GYG2: variants seen among roughly 807,000 people sequenced by gnomAD.
The protein encoded by GYG2 is glycogenin 2.
Under a neutral mutation model 29.4 loss-of-function variants are expected in GYG2, and 29 were observed. The ratio of observed to expected loss-of-function variants is 0.99; its 90% CI spans 0.74 to 1.35. The LOEUF (loss-of-function observed/expected upper bound fraction) is 1.35, where lower values mean the gene tolerates loss of function less well. GYG2 is among the 40% of genes most tolerant of loss of function. The pLI is 0.00. For missense variants in GYG2, 370 were observed against 385.7 expected (o/e 0.96, Z 0.34); for synonymous variants, 167 against 172.3 (o/e 0.97, Z 0.24).
chrX:2,873,119 A>G (rs2088512237), intron 8 of GYG2, among the ~76,000 whole-genome samples: 1 of 111,619 alleles, frequency 9.0e-6, no homozygotes, highest in African/African-American at 3.3e-5. Context: ...TGTCTGCCTC[A>G]TAGGGCTGTC....
intron 2 of GYG2, among the ~76,000 whole-genome samples, chrX:2,838,132 G>A (rs140152221): frequency 2.6e-3 from 294 of 111,855 alleles, no homozygotes; most frequent in Middle Eastern, 9.1e-3. Context: ...TAAATGTGCA[G>A]CAGATGTGCT....
Position 2,881,231 on chromosome X carries a change from G to A in GYG2, c.*18G>A, listed in dbSNP as rs1603460585. On this transcript the variant is annotated 3_prime_UTR_variant, in exon 11 of 11. Transcript: ENST00000398806. Reference sequence around the variant, plus strand: ...TGCAGTAATCCGGCAGCTGGTGGGCGTTGTGTGTAGTTAGACAATGTCCTG... The same window carrying A: ...TGCAGTAATCCGGCAGCTGGTGGGCATTGTGTGTAGTTAGACAATGTCCTG... 1.7e-6 allele frequency: 2 copies of A among 1,145,220 alleles called. No homozygotes were observed. Among genetic ancestry groups the A allele is most frequent in the Non-Finnish European group, 2.3e-6 (2 of 856,694 alleles). The allele number at this position is 1,145,220 out of a possible 1,213,427, so 94.4% of individuals were successfully genotyped here.
Position 2,844,632 on chromosome X carries a change from A to G in GYG2, c.149+1278A>G, listed in dbSNP as rs1341072157. The stretch of plus-strand genomic sequence containing the variant: ...TGCGTATATGTGTATACGCACACGC[A>G]TGCGTATATGTGTATACGCACACGC... On this transcript the variant is annotated intron_variant, in intron 3 of 10. Coordinates refer to ENST00000398806, the MANE Select transcript of GYG2 (RefSeq NM_001079855.2). 2.8e-3 allele frequency among the ~76,000 whole-genome samples: 44 copies of G among 15,758 alleles called. 11 individuals carry two copies. The highest frequency in any genetic ancestry group is 0.02 in the Admixed American group (25 of 1,243). 13.7% of individuals were successfully genotyped at this position (15,758 alleles called of 115,157 possible).
chrX:2,835,703 C>G (rs954262954), intron 2 of GYG2, among the ~76,000 whole-genome samples: 6 of 110,128 alleles, frequency 5.4e-5, no homozygotes, highest in Non-Finnish European at 1.1e-4. Context: ...AGGAAGGACC[C>G]TTCTCTAGAG....
chrX:2,838,270 G>C (rs894805005), intron 2 of GYG2, among the ~76,000 whole-genome samples: 5 of 111,341 alleles, frequency 4.5e-5, no homozygotes, highest in Admixed American at 9.5e-5. Flanking sequence ...AGAAGTCTCA[G>C]TCTCATCCTT....
rs146087125 is a variant in GYG2, at chrX:2,843,314, C to G, written c.109C>G (p.Leu37Val). The G allele has an allele frequency of 3.3e-6, 4 of 1,197,876 alleles. No homozygotes were observed. Among genetic ancestry groups the G allele is most frequent in the Non-Finnish European group, 4.5e-6 (4 of 885,861 alleles). Residue 37 changes from leucine to valine, a missense_variant, in exon 3 of 11, where the codon CTG (leucine) becomes GTG (valine). By Grantham distance (32) the Leu-to-Val change is conservative (BLOSUM62 1). Coordinates refer to ENST00000398806, the MANE Select transcript of GYG2 (RefSeq NM_001079855.2). ...GAGGAGACACAGGCTGACGAGGAAG[C>G]TGGTGGTGTTGATCACTCCTCAGGT... Reference protein sequence around the residue: ...SLRRHRLTRKLVVLITPQVSS... With the variant: ...SLRRHRLTRKVVVLITPQVSS...
chrX:2,870,526 T>C (rs772717874), intron 8 of GYG2, among the ~76,000 whole-genome samples: 117 of 111,715 alleles, frequency 1.0e-3, no homozygotes, highest in Non-Finnish European at 1.8e-3. Context: ...GTAGAACCGT[T>C]GACTGTGTCC....
At chrX:2,877,879 A>G (rs1316780001) in intron 10 of GYG2, 1 of 751,302 alleles carries the variant, frequency 1.3e-6, no homozygotes, top group Non-Finnish European at 1.6e-6. Flanking sequence ...GTAACAATCA[A>G]TACAGCTCTA....
At chrX:2,844,558 GTATATGTGTATACGCACACGCATGCGTA>G in intron 3 of GYG2, among the ~76,000 whole-genome samples, 1 of 78,235 alleles carries the variant, frequency 1.3e-5, no homozygotes, top group Admixed American at 1.5e-4. Context: ...ACACGCATGC[GTATATGTGTATACGCACACGCATGCGTA>G]TATGTGTATA....
Position 2,861,538 on chromosome X carries a change from T to TG in GYG2, c.861dup (p.Pro288AlafsTer14), listed in dbSNP as rs770047512. Reference sequence around the variant, plus strand: ...TTTGTGCAGCTTTGCCACAGTGATGTGGGGGGGCCGTGTGCGGATTCAGCC... The same window carrying TG: ...TTTGTGCAGCTTTGCCACAGTGATGTGGGGGGGGCCGTGTGCGGATTCAGCC... On this transcript the variant is annotated frameshift_variant, in exon 8 of 11. Coordinates refer to ENST00000398806, the MANE Select transcript of GYG2 (RefSeq NM_001079855.2). LOFTEE classifies it high-confidence loss of function. The TG allele has an allele frequency of 3.3e-6, 4 of 1,202,641 alleles. No individual in the cohort carries two copies. The highest frequency in any genetic ancestry group is 3.5e-5 in the African/African-American group (2 of 56,888).
chrX:2,842,055 C>A (rs2087513385), intron 2 of GYG2, among the ~76,000 whole-genome samples: 1 of 112,237 alleles, frequency 8.9e-6, no homozygotes, highest in Non-Finnish European at 1.9e-5. Context: ...ATGTACTTTT[C>A]CTTATGTTGT....
intron 3 of GYG2, 117 bp downstream of exon 3, chrX:2,843,471 G>A: frequency 1.5e-5 from 8 of 548,767 alleles, no homozygotes; most frequent in Non-Finnish European, 2.4e-5. Flanking sequence ...CATAGGCCTG[G>A]ATGGCCGGCA....
chrX:2,849,097 A>G (rs1217258865), intron 3 of GYG2, among the ~76,000 whole-genome samples: 2 of 111,746 alleles, frequency 1.8e-5, no homozygotes, highest in African/African-American at 6.5e-5. Context: ...TGTATTCATG[A>G]AACATAATTC....
At chrX:2,830,021 G>A in intron 1 of GYG2, 40 bp from the exon 2 acceptor site, 1 of 474,432 alleles carries the variant, frequency 2.1e-6, no homozygotes. Context: ...GGCGGGGCCT[G>A]CAGCCGAGGG....
At chrX:2,840,605 G>T (rs377755101) in intron 2 of GYG2, among the ~76,000 whole-genome samples, 1 of 111,533 alleles carries the variant, frequency 9.0e-6, no homozygotes, top group Non-Finnish European at 1.9e-5. Flanking sequence ...TAGACTGTAG[G>T]TAGATAGGTA....
intron 8 of GYG2, among the ~76,000 whole-genome samples, chrX:2,874,050 C>A (rs1404144670): frequency 9.0e-6 from 1 of 111,466 alleles, no homozygotes; most frequent in Non-Finnish European, 1.9e-5. Flanking sequence ...GAGCCAAGAT[C>A]ATGCCACTGC....
intron 6 of GYG2, 98 bp downstream of exon 6, chrX:2,856,722 TATC>T: frequency 4.2e-6 from 1 of 235,924 alleles, no homozygotes; most frequent in Non-Finnish European, 6.4e-6. Flanking sequence ...TTAAAAACTC[TATC>T]TATCTATCTA....
rs767010145 is a variant in GYG2, at chrX:2,859,327, A to G, written c.615-516A>G. ...TTATTGATCACACATTGATTACTGA[A>G]TTGATAGTAGTAGTATGTTACTATT... is the stretch of plus-strand genomic sequence containing the variant. On this transcript the variant is annotated intron_variant, in intron 6 of 10. Coordinates refer to ENST00000398806, the MANE Select transcript of GYG2 (RefSeq NM_001079855.2). 2.2e-3 allele frequency among the ~76,000 whole-genome samples: 247 copies of G among 110,573 alleles called. 2 individuals carry two copies. The highest frequency in any genetic ancestry group is 7.7e-3 in the African/African-American group (235 of 30,541).
At chrX:2,849,226 C>G (rs752776889) in intron 3 of GYG2, among the ~76,000 whole-genome samples, 7 of 111,220 alleles carry the variant, frequency 6.3e-5, no homozygotes, top group Non-Finnish European at 9.4e-5. Context: ...TCCCCCCAGC[C>G]CGGATCTTTA....
Sources: gnomAD v4.1 joint callset for allele counts (sites outside exome capture counted in the v4.1 genomes callset) on GRCh38, gnomAD v4.1.1 for gene constraint, MANE v1.5 for transcripts, NCBI Gene and HGNC (gene_info 2026-07-23, HGNC 2026-07-21) for gene names.